Variants in LRP5 observed in about 807,000 individuals in gnomAD.
The protein encoded by LRP5 is LDL receptor related protein 5, also known as low-density lipoprotein receptor-related protein 5.
A neutral mutation model predicts 154.1 loss-of-function variants in LRP5; 62 were observed. The ratio of observed to expected loss-of-function variants is 0.40; its 90% confidence interval spans 0.33 to 0.50. The LOEUF is 0.50. Ranked by LOEUF, LRP5 falls within the 20% of genes least tolerant of loss-of-function variation. LRP5 has a pLI of 0.55. For synonymous variants in LRP5, 966 were observed against 1,011.5 expected, an observed-to-expected ratio of 0.96 and a Z score of 0.85; for missense variants, 1,915 against 2,336.7, an observed-to-expected ratio of 0.82 and a Z score of 3.72.
intron 21 of LRP5, among the ~76,000 whole-genome samples, chr11:68,442,321 T>G (rs576449089): frequency 2.0e-5 from 3 of 152,222 alleles, no homozygotes; most frequent in African/African-American, 7.2e-5. Context: ...TGTCACCCAG[T>G]GGGAGTGCAG....
chr11:68,406,599 G>A lies in LRP5; in HGVS notation c.1877G>A (p.Gly626Asp). 1 of 1,614,166 alleles carries A rather than the reference G, an allele frequency of 6.2e-7. No homozygotes were observed. The highest frequency in any genetic ancestry group is 1.3e-5 in the African/African-American group (1 of 75,060). ...CFFTPHATRC[G>D]CPIGLELLSD... ...TTCACACCCCACGCAACCCGGTGTG[G>A]CTGCCCCATCGGCCTGGAGCTGCTG... Residue 626 changes from glycine to aspartate, a missense_variant, in exon 9 of 23, where the codon GGC becomes GAC. Physicochemically the swap from Gly to Asp is moderately conservative, Grantham distance 94. Coordinates refer to ENST00000294304, the MANE Select transcript of LRP5 (RefSeq NM_002335.4).
intron 5 of LRP5, among the ~76,000 whole-genome samples, chr11:68,384,824 G>GT (rs1052437690): frequency 1.3e-5 from 2 of 152,188 alleles, no homozygotes; most frequent in Non-Finnish European, 2.9e-5. Context: ...TGGCTGAAAG[G>GT]TTGGGGGGTC....
At chr11:68,326,734 G>A (rs1800279654) in intron 1 of LRP5, among the ~76,000 whole-genome samples, 1 of 152,264 alleles carries the variant, frequency 6.6e-6, no homozygotes, top group Non-Finnish European at 1.5e-5. Context: ...TGGCCCTCCA[G>A]CTGTGAGCCC....
intron 5 of LRP5, among the ~76,000 whole-genome samples, chr11:68,384,390 T>C (rs1358180427): frequency 4.6e-5 from 7 of 152,108 alleles, no homozygotes; most frequent in Non-Finnish European, 1.0e-4. Flanking sequence ...CCGGGCCCCT[T>C]TGCAGATTGT....
chr11:68,368,346 G>A (rs1402117798), intron 5 of LRP5, among the ~76,000 whole-genome samples: 1 of 152,226 alleles, frequency 6.6e-6, no homozygotes, highest in Non-Finnish European at 1.5e-5. Context: ...GAGCCGGCAG[G>A]TCAGAGGTCT....
At chr11:68,433,904 G>A (rs2098673417) in intron 18 of LRP5, 66 bp downstream of exon 18, 1 of 1,475,372 alleles carries the variant, frequency 6.8e-7, no homozygotes, top group Non-Finnish European at 9.3e-7. Context: ...CGAGCTTGGG[G>A]CTGCCTCCGG....
Position 68,386,521 on chromosome 11 carries a change from G to T in LRP5, c.1221G>T (p.Ala407=), listed in dbSNP as rs150970251. ...GGGCGTACCTGGACGGGTCTGGGGC[G>T]CAGACGCTGGTCAACACCGAGATCA... ...IRRAYLDGSG[A]QTLVNTEIND... Residue 407 remains alanine, a synonymous_variant, in exon 6 of 23, where the codon GCG becomes GCT. Transcript: ENST00000294304. This position sits in a 1 kb window ranked among gnomAD's most constrained non-coding sequence, Gnocchi z 7.9. The T allele has an allele frequency of 1.2e-6, 2 of 1,613,856 alleles. No homozygotes were observed.
Position 68,312,766 on chromosome 11 carries a change from CTGCTGCTGG to C in LRP5, c.53_61del (p.Leu18_Ala21delinsPro). On this transcript the variant is annotated inframe_deletion, in exon 1 of 23. Transcript: ENST00000294304. ...GTGGCCGCTGCTGCTGCTGCTGCTG[CTGCTGCTGG>C]CGCTGTGCGGCTGCCCGGCCCCCGC... 2.8e-6 allele frequency: 3 copies of C among 1,088,800 alleles called. No homozygotes were observed. The South Asian group carries it at 7.8e-5, about 28-fold the overall frequency. The allele number at this position is 1,088,800 out of a possible 1,614,324, so 67.4% of individuals were successfully genotyped here. A position where few individuals can be genotyped will look rare whatever the true frequency, so the allele number is the denominator to read the frequency against.
At position 68,361,453 on chromosome 11, in the gene LRP5, G is replaced by A. The variant is rs185862420; in HGVS notation, c.687-2294G>A. 5.3e-4 allele frequency among the ~76,000 whole-genome samples: 81 copies of A among 151,958 alleles called. 1 individual carries two copies. Among genetic ancestry groups the A allele is most frequent in the African/African-American group, 1.9e-3 (78 of 41,436 alleles). ...AGATCGAGACCATCCTGGGTAACAC[G>A]GTGAAACCCCATCTCTACTAAAAAT... On this transcript the variant is annotated intron_variant, in intron 3 of 22. Coordinates refer to ENST00000294304, the MANE Select transcript of LRP5 (RefSeq NM_002335.4).
At chr11:68,311,252 C>G (rs971254649), upstream of LRP5, among the ~76,000 whole-genome samples, 1 of 152,178 alleles carries the variant, frequency 6.6e-6, no homozygotes, top group Admixed American at 6.5e-5. Context: ...TCCTCTTCCC[C>G]GCCTGAGGTC....
chr11:68,371,731 C>T (rs147927345), intron 5 of LRP5, among the ~76,000 whole-genome samples: 3 of 152,376 alleles, frequency 2.0e-5, no homozygotes, highest in South Asian at 2.1e-4. Context: ...GTGAAGAAAA[C>T]GTGAAATTCT....
At chr11:68,345,460 G>C (rs188953356) in intron 1 of LRP5, among the ~76,000 whole-genome samples, 2 of 151,140 alleles carry the variant, frequency 1.3e-5, no homozygotes, top group Non-Finnish European at 3.0e-5. Context: ...GCTAATTTTT[G>C]TATTTTAGTA....
chr11:68,327,131 G>T (rs1479918631), intron 1 of LRP5, among the ~76,000 whole-genome samples: 2 of 152,226 alleles, frequency 1.3e-5, no homozygotes, highest in African/African-American at 4.8e-5. Context: ...CCACCCATGA[G>T]CAGTAGAGGC....
chr11:68,425,196 C>T lies in LRP5; in HGVS notation c.3331C>T (p.Leu1111Phe). 3.1e-6 allele frequency: 5 copies of T among 1,613,672 alleles called. No homozygotes were observed. The African/African-American group carries it at 6.7e-5, about 22-fold the overall frequency. Residue 1111 changes from leucine (L) to phenylalanine (F), a missense_variant, in exon 15 of 23, where the codon CTC (leucine) becomes TTC (phenylalanine). By Grantham distance (22) the Leu-to-Phe change is conservative (BLOSUM62 0). Transcript: ENST00000294304. Reference sequence around the variant, plus strand: ...GCGCGAGGTCCTCTTCACCACCGGCCTCATCCGCCCTGTGGCCCTGGTGGT... The same window carrying T: ...GCGCGAGGTCCTCTTCACCACCGGCTTCATCCGCCCTGTGGCCCTGGTGGT... ...TEREVLFTTG[L>F]IRPVALVVDN...
At chr11:68,317,773 G>A (rs1403035016) in intron 1 of LRP5, among the ~76,000 whole-genome samples, 2 of 152,120 alleles carry the variant, frequency 1.3e-5, no homozygotes, top group Non-Finnish European at 2.9e-5. Context: ...GACTCGTGGT[G>A]TGCCAGAGCC....
At chr11:68,420,416 T>C (rs1425804045) in intron 13 of LRP5, among the ~76,000 whole-genome samples, 1 of 149,760 alleles carries the variant, frequency 6.7e-6, no homozygotes, top group East Asian at 1.9e-4. Flanking sequence ...AATAACCCGT[T>C]GTAAAGGCTG....
intron 19 of LRP5, among the ~76,000 whole-genome samples, chr11:68,437,480 G>A (rs1465731718): frequency 2.0e-5 from 3 of 152,226 alleles, no homozygotes; most frequent in African/African-American, 7.2e-5. Context: ...GGGGATAGGA[G>A]GCCAAGACAG....
At chr11:68,317,979 T>A (rs555359520) in intron 1 of LRP5, among the ~76,000 whole-genome samples, 24 of 152,270 alleles carry the variant, frequency 1.6e-4, no homozygotes, top group Admixed American at 1.4e-3. Context: ...TCTTATTTGC[T>A]CTATTGGAGT....
At chr11:68,349,190 G>A (rs1565336376) in intron 2 of LRP5, among the ~76,000 whole-genome samples, 1 of 151,602 alleles carries the variant, frequency 6.6e-6, no homozygotes, top group Non-Finnish European at 1.5e-5. Flanking sequence ...CCACCACCAC[G>A]CCCAGCTAAT....
Sources: allele counts gnomAD v4.1 joint callset (sites outside exome capture counted in the v4.1 genomes callset), GRCh38; gene constraint gnomAD v4.1.1; non-coding constraint Gnocchi (gnomAD v3.1); transcripts MANE v1.5; gene names NCBI Gene and HGNC (gene_info 2026-07-23, HGNC 2026-07-21).